Variants in SYNE2 observed in about 807,000 individuals in gnomAD.
SYNE2 encodes nesprin-2.
SYNE2 carries 431 observed loss-of-function variants against 856.3 expected under a neutral mutation model. The ratio of observed to expected loss-of-function variants is 0.50; its 90% confidence interval spans 0.47 to 0.55. The LOEUF (loss-of-function observed/expected upper bound fraction) is 0.55, where lower values mean the gene tolerates loss of function less well. SYNE2 is among the 20% of genes least tolerant of loss of function. The pLI is 0.00. For synonymous variants in SYNE2, 2,923 were observed against 2,872.3 expected (o/e 1.02, Z -0.56); for missense variants, 8,129 against 8,023.2 (o/e 1.01, Z -0.50).
Position 64,208,842 on chromosome 14 carries a change from G to A in SYNE2, c.18286G>A (p.Ala6096Thr). 1.2e-6 allele frequency: 2 copies of A among 1,614,250 alleles called. No homozygotes were observed. Among genetic ancestry groups the A allele is most frequent in the Non-Finnish European group, 1.7e-6 (2 of 1,180,042 alleles). Reference protein sequence around the residue: ...ICDVLLHDSDACANETECDSI... With the variant: ...ICDVLLHDSDTCANETECDSI... ...TGACGTCCTACTGCACGACTCCGAT[G>A]CCTGTGCAAATGAGACCGAGTGTGA... Residue 6096 changes from alanine to threonine, a missense_variant, in exon 101 of 116, where the codon GCC (alanine) becomes ACC (threonine). Physicochemically the swap from Ala to Thr is moderately conservative, Grantham distance 58. Transcript: ENST00000555002.
At chr14:63,953,441 G>A (rs892759350) in intron 7 of SYNE2, among the ~76,000 whole-genome samples, 4 of 152,144 alleles carry the variant, frequency 2.6e-5, no homozygotes, top group African/African-American at 4.8e-5. Flanking sequence ...GCAGGCAGGG[G>A]CCAAATCACT....
At chr14:63,995,292 G>A (rs1594747344) in intron 23 of SYNE2, 90 bp downstream of exon 23, 2 of 1,167,964 alleles carry the variant, frequency 1.7e-6, no homozygotes, top group Middle Eastern at 2.0e-4. Context: ...GATGAAAACT[G>A]TTCTGAAAAT....
At position 64,053,262 on chromosome 14, in the gene SYNE2, G is replaced by A; in HGVS notation, c.9349G>A (p.Glu3117Lys). Residue 3117 changes from glutamate to lysine, a missense_variant, in exon 48 of 116, where the codon GAG becomes AAG. Transcript: ENST00000555002. ...ENKTFDDSFK[E>K]KEILQIKLNA... ...TAAGACCTTTGATGACTCATTCAAG[G>A]AGAAAGAAATACTACAAATAAAGCT... 1 of 1,609,664 alleles carries A rather than the reference G, an allele frequency of 6.2e-7. No homozygotes were observed. Among genetic ancestry groups the A allele is most frequent in the Non-Finnish European group, 8.5e-7 (1 of 1,178,792 alleles).
In SYNE2 at chr14:63,941,920, A is replaced by G. The variant is rs1281786998; in HGVS notation, c.273A>G (p.Arg91=). 1.2e-6 allele frequency: 2 copies of G among 1,613,374 alleles called. No individual in the cohort carries two copies. The highest frequency in any genetic ancestry group is 1.7e-6 in the Non-Finnish European group (2 of 1,179,970). ...RDKGSNTFQC[R]INIEHALTFL... Reference sequence around the variant, plus strand: ...AAGGATCTAATACCTTCCAGTGTAGAATCAATATAGAACATGCCTTGACAT... The same window carrying G: ...AAGGATCTAATACCTTCCAGTGTAGGATCAATATAGAACATGCCTTGACAT... The change falls in exon 5 of 116, where the codon AGA becomes AGG. Residue 91 remains arginine (R), a synonymous_variant. Transcript: ENST00000555002.
chr14:64,092,770 G>C (rs1376578974), intron 60 of SYNE2, among the ~76,000 whole-genome samples: 1 of 152,146 alleles, frequency 6.6e-6, no homozygotes, highest in Non-Finnish European at 1.5e-5. Flanking sequence ...GTATTGTTCT[G>C]GTTAGTTCTT....
At chr14:63,862,256 C>T (rs555942983) in intron 1 of SYNE2, among the ~76,000 whole-genome samples, 11 of 152,300 alleles carry the variant, frequency 7.2e-5, no homozygotes, top group East Asian at 1.9e-4. Flanking sequence ...TACATATATT[C>T]GTATTTGCAT....
intron 99 of SYNE2, among the ~76,000 whole-genome samples, chr14:64,199,650 G>A (rs1227131088): frequency 2.0e-5 from 3 of 150,660 alleles, no homozygotes; most frequent in African/African-American, 7.3e-5. Context: ...CCTGGGAGGC[G>A]GAGGTTGCAG....
At chr14:64,022,272 T>C (rs903683847) in intron 37 of SYNE2, among the ~76,000 whole-genome samples, 15 of 152,182 alleles carry the variant, frequency 9.9e-5, no homozygotes, top group African/African-American at 3.1e-4. Context: ...AAGGTCCTAG[T>C]GTTTGACCTG....
intron 108 of SYNE2, among the ~76,000 whole-genome samples, chr14:64,217,938 C>G (rs1042458696): frequency 1.3e-5 from 2 of 152,196 alleles, no homozygotes; most frequent in African/African-American, 4.8e-5. Flanking sequence ...CCCTGGGAGG[C>G]AGATTCATCC....
chr14:64,224,181 C>CAGAAAAAAA lies in SYNE2; in HGVS notation c.20383-279_20383-278insGAAAAAAAA, dbSNP rs556126119. Among the ~76,000 whole-genome samples the CAGAAAAAAA allele has an allele frequency of 2.9e-3, 218 of 74,746 alleles. 5 individuals are homozygous for CAGAAAAAAA. Among genetic ancestry groups the CAGAAAAAAA allele is most frequent in the African/African-American group, 0.011 (203 of 18,196 alleles). 49.0% of individuals were successfully genotyped at this position (74,746 alleles called of 152,430 possible). A position where few individuals can be genotyped will look rare whatever the true frequency, so the allele number is the denominator to read the frequency against. ...GCAACATGGTGAAATCCCGTCTCTGCAAAAAAAAAAAAAAAAAAAAATACA... is the reference window on the plus strand; with the variant it reads ...GCAACATGGTGAAATCCCGTCTCTGCAGAAAAAAAAAAAAAAAAAAAAAAAAAAAATACA... On this transcript the variant is annotated intron_variant, in intron 113 of 115. Transcript: ENST00000555002.
intron 1 of SYNE2, among the ~76,000 whole-genome samples, chr14:63,809,868 A>C (rs550843270): frequency 5.9e-5 from 9 of 152,158 alleles, no homozygotes; most frequent in Non-Finnish European, 1.0e-4. Context: ...CCTCAAACTA[A>C]CTTTGAGGAT....
At chr14:64,127,940 TC>T (rs2097965585) in intron 73 of SYNE2, among the ~76,000 whole-genome samples, 1 of 152,110 alleles carries the variant, frequency 6.6e-6, no homozygotes, top group South Asian at 2.1e-4. Flanking sequence ...AAAAAAGTGG[TC>T]AGGGATTCTG....
intron 11 of SYNE2, among the ~76,000 whole-genome samples, chr14:63,972,741 A>G (rs2096489134): frequency 6.6e-6 from 1 of 152,220 alleles, no homozygotes; most frequent in Non-Finnish European, 1.5e-5. Flanking sequence ...TGCCTGCTGT[A>G]TAAATATTGA....
At chr14:63,941,353 A>G (rs759194064) in intron 3 of SYNE2, among the ~76,000 whole-genome samples, 2 of 152,214 alleles carry the variant, frequency 1.3e-5, no homozygotes, top group Non-Finnish European at 2.9e-5. Context: ...GGGTAAATAC[A>G]TAAGCAGGTT....
intron 85 of SYNE2, among the ~76,000 whole-genome samples, chr14:64,153,421 C>A (rs1441680331): frequency 6.6e-6 from 1 of 152,170 alleles, no homozygotes; most frequent in African/African-American, 2.4e-5. Context: ...TCTATACCAT[C>A]AATTATAGAT....
chr14:63,890,302 A>G (rs1373910661), intron 1 of SYNE2, among the ~76,000 whole-genome samples: 1 of 151,834 alleles, frequency 6.6e-6, no homozygotes, highest in Non-Finnish European at 1.5e-5. Context: ...AGCTCAAGTG[A>G]TCCACCTGCC....
Position 63,967,805 on chromosome 14 carries a change from C to A in SYNE2, c.1087C>A (p.His363Asn). The change falls in exon 11 of 116, where the codon CAT (histidine) becomes AAT (asparagine). Residue 363 changes from histidine (H) to asparagine (N), a missense_variant. By Grantham distance (68) the His-to-Asn change is moderately conservative. Coordinates refer to ENST00000555002, the MANE Select transcript of SYNE2 (RefSeq NM_182914.3). Reference sequence around the variant, plus strand: ...GGATCTGGATGAGCTGGACAAGGATCATTTACAGTTGAGAGAAGCCTGGGA... The same window carrying A: ...GGATCTGGATGAGCTGGACAAGGATAATTTACAGTTGAGAGAAGCCTGGGA... ...KRDLDELDKDHLQLREAWDGL... is the reference protein window; with the variant it reads ...KRDLDELDKDNLQLREAWDGL... 1.9e-6 allele frequency: 3 copies of A among 1,614,074 alleles called. No individual in the cohort carries two copies. Among genetic ancestry groups the A allele is most frequent in the African/African-American group, 1.3e-5 (1 of 75,038 alleles).
intron 43 of SYNE2, 125 bp downstream of exon 43, chr14:64,027,918 A>T (rs1219423781): frequency 2.3e-6 from 2 of 857,926 alleles, no homozygotes; most frequent in Non-Finnish European, 3.5e-6. Flanking sequence ...ATTTTATTTT[A>T]TTTTTTTGAG....
At position 64,186,391 on chromosome 14, in the gene SYNE2, G is replaced by A. The variant is rs774098822; in HGVS notation, c.17557-33G>A. The A allele has an allele frequency of 3.7e-6, 6 of 1,613,772 alleles. No homozygotes were observed. The African/African-American group carries it at 8.0e-5, about 22-fold the overall frequency. The stretch of plus-strand genomic sequence containing the variant: ...GGAAACAACAGCCGCTTGAGTTGAA[G>A]GCTTTTTACCCCCTTCTTGTGATTA... On this transcript the variant is annotated intron_variant, in intron 96 of 115. Transcript: ENST00000555002.
Sources: gnomAD v4.1 joint callset for allele counts (sites outside exome capture counted in the v4.1 genomes callset) on GRCh38, gnomAD v4.1.1 for gene constraint, MANE v1.5 for transcripts, NCBI Gene and HGNC (gene_info 2026-07-23, HGNC 2026-07-21) for gene names.